TMEM186: variants seen among roughly 807,000 people sequenced by gnomAD.
TMEM186 encodes transmembrane protein 186.
TMEM186 carries 2 observed loss-of-function variants against 2.5 expected under a neutral mutation model. The ratio of observed to expected loss-of-function variants is 0.79; its 90% CI spans 0.32 to 2.50. The LOEUF is 2.50. TMEM186 is among the 30% of genes most tolerant of loss of function. The pLI, the probability that TMEM186 is intolerant of heterozygous loss-of-function variation, is 0.11. For synonymous variants in TMEM186, 120 were observed against 104.9 expected (o/e 1.14, Z -0.88); for missense variants, 321 against 276.5 (o/e 1.16, Z -1.14).
Position 8,795,670 on chromosome 16 carries a change from T to G in TMEM186, c.*282A>C, listed in dbSNP as rs773027170. 1.3e-5 allele frequency: 5 copies of G among 383,710 alleles called. No homozygotes were observed. Among genetic ancestry groups the G allele is most frequent in the Non-Finnish European group, 1.4e-5 (3 of 210,558 alleles). 23.8% of individuals were successfully genotyped at this position (383,710 alleles called of 1,614,324 possible). ...ACACCAATGGACTCTATGGGTGACC[T>G]TGGCATAGGTTCTTCTAAGAACTGG... On this transcript the variant is annotated 3_prime_UTR_variant, in exon 2 of 2. Coordinates refer to ENST00000333050, the MANE Select transcript of TMEM186 (RefSeq NM_015421.4).
chr16:8,796,395 T>G lies in TMEM186; in HGVS notation c.199A>C (p.Thr67Pro), dbSNP rs1596480855. ...WMFYRFDAIR[T>P]FGFLSRLKLA... Reference sequence around the variant, plus strand: ...TTCAGTCGTGACAGGAACCCGAAGGTTCTGATGGCATCAAAACGGTAAAAC... The same window carrying G: ...TTCAGTCGTGACAGGAACCCGAAGGGTCTGATGGCATCAAAACGGTAAAAC... Residue 67 changes from threonine (T) to proline (P), a missense_variant, in exon 2 of 2, where the codon ACC becomes CCC. Transcript: ENST00000333050. 1 of 1,614,110 alleles carries G rather than the reference T, an allele frequency of 6.2e-7. No individual in the cohort carries two copies. Among genetic ancestry groups the G allele is most frequent in the Non-Finnish European group, 8.5e-7 (1 of 1,180,012 alleles).
intron 1 of TMEM186, among the ~76,000 whole-genome samples, chr16:8,797,118 G>T (rs1164452857): frequency 6.6e-6 from 1 of 152,172 alleles, no homozygotes; most frequent in Admixed American, 6.5e-5. Flanking sequence ...TTGGGTGCTG[G>T]AGGGAACTGC....
rs2060571580 is a variant in TMEM186 at position 8,795,791 on chromosome 16, G to C, written c.*161C>G. On this transcript the variant is annotated 3_prime_UTR_variant, in exon 2 of 2. Coordinates refer to ENST00000333050, the MANE Select transcript of TMEM186 (RefSeq NM_015421.4). The stretch of plus-strand genomic sequence containing the variant: ...GCCTTTTTCCTAAACCTGTACACCA[G>C]CTCTTGCCTTGTGAATTTATTCACC... The C allele has an allele frequency of 1.2e-6, 1 of 853,716 alleles. No homozygotes were observed. The highest frequency in any genetic ancestry group is 1.9e-6 in the Non-Finnish European group (1 of 537,538). The allele number at this position is 853,716 out of a possible 1,614,324, so 52.9% of individuals were successfully genotyped here. A position where few individuals can be genotyped will look rare whatever the true frequency, so the allele number is the denominator to read the frequency against.
intron 1 of TMEM186, among the ~76,000 whole-genome samples, chr16:8,796,919 C>T (rs2060580538): frequency 6.6e-6 from 1 of 152,106 alleles, no homozygotes; most frequent in South Asian, 2.1e-4. Flanking sequence ...GAGGTGCGGC[C>T]GTCATTAATT....
In TMEM186 at chr16:8,796,099, T is replaced by A; in HGVS notation, c.495A>T (p.Thr165=). ...YCPMADVIPL[T]ETKDRPQEMF... ...TCTCCTGAGGCCGGTCCTTGGTTTC[T>A]GTCAGGGGAATCACATCTGCCATGG... The change falls in exon 2 of 2, where the codon ACA becomes ACT. Residue 165 remains threonine, a synonymous_variant. Transcript: ENST00000333050. 6 of 1,614,270 alleles carry A rather than the reference T, an allele frequency of 3.7e-6. No individual in the cohort carries two copies. The highest frequency in any genetic ancestry group is 5.1e-6 in the Non-Finnish European group (6 of 1,180,042).
In TMEM186 at chr16:8,796,107, G is replaced by C. The variant is rs201232945; in HGVS notation, c.487C>G (p.Pro163Ala). The change falls in exon 2 of 2, where the codon CCC becomes GCC. Residue 163 changes from proline to alanine, a missense_variant. By Grantham distance (27) the Pro-to-Ala change is conservative. Coordinates refer to ENST00000333050, the MANE Select transcript of TMEM186 (RefSeq NM_015421.4). The stretch of plus-strand genomic sequence containing the variant: ...GGCCGGTCCTTGGTTTCTGTCAGGG[G>C]AATCACATCTGCCATGGGACAGTAT... ...DTYCPMADVI[P>A]LTETKDRPQE... The C allele has an allele frequency of 6.2e-7, 1 of 1,614,224 alleles. No homozygotes were observed. Among genetic ancestry groups the C allele is most frequent in the African/African-American group, 1.3e-5 (1 of 75,050 alleles).
intron 1 of TMEM186, among the ~76,000 whole-genome samples, chr16:8,797,130 G>C (rs2060581792): frequency 6.6e-6 from 1 of 152,162 alleles, no homozygotes; most frequent in Admixed American, 6.5e-5. Context: ...GGGAACTGCT[G>C]CTTTCTCTTA....
At position 8,795,553 on chromosome 16, in the gene TMEM186, C is replaced by T. The variant is rs2060570159; in HGVS notation, c.*399G>A. Reference sequence around the variant, plus strand: ...ATGTGAAAACCAAGATTCAAAGAGACTCAATAACCTGCTCCAGGACAAATG... The same window carrying T: ...ATGTGAAAACCAAGATTCAAAGAGATTCAATAACCTGCTCCAGGACAAATG... On this transcript the variant is annotated 3_prime_UTR_variant, in exon 2 of 2. Coordinates refer to ENST00000333050, the MANE Select transcript of TMEM186 (RefSeq NM_015421.4). 5.7e-6 allele frequency: 1 copy of T among 176,918 alleles called. No individual in the cohort carries two copies. Among genetic ancestry groups the T allele is most frequent in the Non-Finnish European group, 1.2e-5 (1 of 82,532 alleles). The allele number at this position is 176,918 out of a possible 1,614,324, so 11.0% of individuals were successfully genotyped here. A position where few individuals can be genotyped will look rare whatever the true frequency, so the allele number is the denominator to read the frequency against.
At chr16:8,797,157 G>A (rs2060581892) in intron 1 of TMEM186, among the ~76,000 whole-genome samples, 1 of 152,152 alleles carries the variant, frequency 6.6e-6, no homozygotes, top group South Asian at 2.1e-4. Context: ...TCTGGGGAAG[G>A]GGAAACAGCG....
chr16:8,797,180 G>A (rs375303286), intron 1 of TMEM186, among the ~76,000 whole-genome samples: 27 of 152,310 alleles, frequency 1.8e-4, no homozygotes, highest in Admixed American at 2.6e-4. Flanking sequence ...GAAGGAGAAG[G>A]AGCGAGGCAG....
intron 1 of TMEM186, among the ~76,000 whole-genome samples, chr16:8,796,885 C>A (rs566483541): frequency 6.6e-6 from 1 of 152,088 alleles, no homozygotes; most frequent in African/African-American, 2.4e-5. Context: ...TTCCACCAGG[C>A]AATTCCAAAT....
chr16:8,796,916 G>A (rs1302166240), intron 1 of TMEM186, among the ~76,000 whole-genome samples: 1 of 152,138 alleles, frequency 6.6e-6, no homozygotes. Context: ...AAGGAGGTGC[G>A]GCCGTCATTA....
chr16:8,795,890 C>A lies in TMEM186; in HGVS notation c.*62G>T, dbSNP rs2060572045. 6.4e-7 allele frequency: 1 copy of A among 1,555,088 alleles called. No individual in the cohort carries two copies. ...TCCCCTTTCTTCAGCCTTGCCCACA[C>A]CCTCAGCCTTCCTGTTAATCCAGGC... On this transcript the variant is annotated 3_prime_UTR_variant, in exon 2 of 2. Transcript: ENST00000333050.
Position 8,795,974 on chromosome 16 carries a change from C to G in TMEM186, c.620G>C (p.Gly207Ala). ...TGTTCACTTGAGCATCTGATGTACC[C>G]CAAACACCTGTGTGAAACGCTCTCT... ...LDRERFTQVF[G>A]VHQMLK Residue 207 changes from glycine (G) to alanine (A), a missense_variant, in exon 2 of 2, where the codon GGG becomes GCG. By Grantham distance (60) the Gly-to-Ala change is moderately conservative. Coordinates refer to ENST00000333050, the MANE Select transcript of TMEM186 (RefSeq NM_015421.4). 1.2e-6 allele frequency: 2 copies of G among 1,613,708 alleles called. No individual in the cohort carries two copies. The highest frequency in any genetic ancestry group is 1.7e-6 in the Non-Finnish European group (2 of 1,179,664).
At chr16:8,797,479 C>T in intron 1 of TMEM186, 133 bp downstream of exon 1, 1 of 1,210,242 alleles carries the variant, frequency 8.3e-7, no homozygotes, top group Non-Finnish European at 1.2e-6. Flanking sequence ...GAAAAGCGAA[C>T]TGTAACACAC....
chr16:8,796,936 A>G (rs2060580669), intron 1 of TMEM186, among the ~76,000 whole-genome samples: 2 of 152,242 alleles, frequency 1.3e-5, no homozygotes, highest in Admixed American at 6.5e-5. Flanking sequence ...AATTCAAAAC[A>G]TATCCAGGGA....
At position 8,796,489 on chromosome 16, in the gene TMEM186, C is replaced by A. The variant is rs2060577174; in HGVS notation, c.105G>T (p.Arg35Ser). 2.5e-6 allele frequency: 4 copies of A among 1,614,098 alleles called. No homozygotes were observed. Among genetic ancestry groups the A allele is most frequent in the African/African-American group, 1.3e-5 (1 of 74,928 alleles). The change falls in exon 2 of 2, where the codon AGG becomes AGT. Residue 35 changes from arginine to serine, a missense_variant. By Grantham distance (110) the Arg-to-Ser change is moderately radical. Transcript: ENST00000333050. ...WCCSGQEDPK[R>S]WVGSSSPISK... ...AGATGGGTGAACTGCTGCCCACCCA[C>A]CTCTTAGGATCCTCCTGCCCACTGC...
intron 1 of TMEM186, 104 bp downstream of exon 1, chr16:8,797,508 G>C: frequency 7.1e-7 from 1 of 1,410,532 alleles, no homozygotes; most frequent in Non-Finnish European, 9.7e-7. Context: ...TTCCTCCCAC[G>C]GATCCTCGGA....
chr16:8,796,408 A>T lies in TMEM186; in HGVS notation c.186T>A (p.Phe62Leu). The change falls in exon 2 of 2, where the codon TTT becomes TTA. Residue 62 changes from phenylalanine (F) to leucine (L), a missense_variant. By Grantham distance (22) the Phe-to-Leu change is conservative. Transcript: ENST00000333050. Reference sequence around the variant, plus strand: ...GGAACCCGAAGGTTCTGATGGCATCAAAACGGTAAAACATCCAGAATTTCT... The same window carrying T: ...GGAACCCGAAGGTTCTGATGGCATCTAAACGGTAAAACATCCAGAATTTCT... ...ETEKFWMFYR[F>L]DAIRTFGFLS... 1 of 1,614,238 alleles carries T rather than the reference A, an allele frequency of 6.2e-7. No individual in the cohort carries two copies. The highest frequency in any genetic ancestry group is 1.1e-5 in the South Asian group (1 of 91,090).
Sources: allele counts gnomAD v4.1 joint callset (sites outside exome capture counted in the v4.1 genomes callset), GRCh38; gene constraint gnomAD v4.1.1; transcripts MANE v1.5; gene names NCBI Gene and HGNC (gene_info 2026-07-23, HGNC 2026-07-21).